ADD1: variants seen among roughly 807,000 people sequenced by gnomAD.
The protein encoded by ADD1 is adducin 1.
A neutral mutation model predicts 80.5 loss-of-function variants in ADD1; 24 were observed. That is an observed-to-expected ratio of 0.30 (90% CI 0.22 to 0.42). The LOEUF (loss-of-function observed/expected upper bound fraction) is 0.42, where lower values mean the gene tolerates loss of function less well. Ranked by LOEUF, ADD1 falls within the 10% of genes least tolerant of loss-of-function variation. ADD1 has a pLI of 1.00. For missense variants in ADD1, 948 were observed against 1,019.0 expected (o/e 0.93, Z 0.95); for synonymous variants, 373 against 393.8 (o/e 0.95, Z 0.63).
At chr4:2,846,041 A>G (rs562371281) in intron 1 of ADD1, among the ~76,000 whole-genome samples, 3 of 152,300 alleles carry the variant, frequency 2.0e-5, no homozygotes, top group South Asian at 2.1e-4. Context: ...TTCAATATGT[A>G]TATCTTAAAG....
At chr4:2,882,153 T>C in intron 3 of ADD1, 93 bp downstream of exon 3, 1 of 1,195,968 alleles carries the variant, frequency 8.4e-7, no homozygotes, top group East Asian at 2.6e-5. Context: ...CATTTAACTG[T>C]ATAACATAAC....
At chr4:2,873,480 G>A (rs1730771958) in intron 1 of ADD1, among the ~76,000 whole-genome samples, 1 of 152,178 alleles carries the variant, frequency 6.6e-6, no homozygotes, top group East Asian at 1.9e-4. Context: ...AAGGAATGGA[G>A]CATGTATATA....
intron 14 of ADD1, among the ~76,000 whole-genome samples, chr4:2,916,719 T>C (rs1319025964): frequency 6.6e-6 from 1 of 152,206 alleles, no homozygotes; most frequent in Non-Finnish European, 1.5e-5. Context: ...TGGTGTGTGA[T>C]GTCCCCTTCC....
chr4:2,924,513 G>A (rs1040072543), intron 14 of ADD1, among the ~76,000 whole-genome samples: 12 of 152,156 alleles, frequency 7.9e-5, no homozygotes, highest in African/African-American at 2.4e-4. Flanking sequence ...TCAGTCCTCC[G>A]GGGTCAGCCT....
At chr4:2,895,105 T>A (rs879336147) in intron 6 of ADD1, among the ~76,000 whole-genome samples, 28 of 151,780 alleles carry the variant, frequency 1.8e-4, no homozygotes, top group Admixed American at 3.9e-4. Flanking sequence ...ACAAAAAAAA[T>A]TAAAAAATTA....
chr4:2,904,760 C>T lies in ADD1; in HGVS notation c.1162-4C>T. ...GACTGTCTTTCACTCTCCTTGGACC[C>T]TAGGGCTACAGAACTGGCTACCCTT... On this transcript the variant is annotated splice_polypyrimidine_tract_variant and splice_region_variant and intron_variant, in intron 9 of 15. Transcript: ENST00000683351. 1 of 1,611,182 alleles carries T rather than the reference C, an allele frequency of 6.2e-7. No individual in the cohort carries two copies. The highest frequency in any genetic ancestry group is 8.5e-7 in the Non-Finnish European group (1 of 1,177,390).
chr4:2,897,899 G>A (rs566028810), intron 6 of ADD1, among the ~76,000 whole-genome samples: 1 of 152,234 alleles, frequency 6.6e-6, no homozygotes, highest in East Asian at 1.9e-4. Context: ...AGTGCTCATT[G>A]TATAATTAAA....
At chr4:2,909,755 A>G (rs1040010326) in intron 13 of ADD1, among the ~76,000 whole-genome samples, 8 of 151,986 alleles carry the variant, frequency 5.3e-5, no homozygotes, top group Non-Finnish European at 8.8e-5. Flanking sequence ...TGCCTTTTCC[A>G]TGACTCTGAC....
At chr4:2,911,767 T>C (rs1025249339) in intron 13 of ADD1, among the ~76,000 whole-genome samples, 1 of 152,152 alleles carries the variant, frequency 6.6e-6, no homozygotes, top group South Asian at 2.1e-4. Flanking sequence ...TAACCTGAAA[T>C]AATTTTGGCT....
At chr4:2,928,018 A>G (rs1270334429) in intron 15 of ADD1, among the ~76,000 whole-genome samples, 153 bp from the exon 16 acceptor site, 1 of 152,160 alleles carries the variant, frequency 6.6e-6, no homozygotes, top group Admixed American at 6.5e-5. Context: ...CCAGCCGTAC[A>G]GTAGAGTAGA....
intron 4 of ADD1, among the ~76,000 whole-genome samples, chr4:2,892,969 G>T (rs1453424592): frequency 6.6e-6 from 1 of 152,024 alleles, no homozygotes; most frequent in Non-Finnish European, 1.5e-5. Context: ...AGGCTAGAGT[G>T]CAGTGGCACG....
At chr4:2,902,272 C>G (rs554209906) in intron 9 of ADD1, 1 of 152,246 alleles carries the variant, frequency 6.6e-6, no homozygotes, top group African/African-American at 2.4e-5. Context: ...TTAATAAGAA[C>G]TGTGTTTTTC....
chr4:2,855,680 C>T (rs1415975291), intron 1 of ADD1, among the ~76,000 whole-genome samples: 1 of 151,400 alleles, frequency 6.6e-6, no homozygotes, highest in East Asian at 1.9e-4. Context: ...CTCTGACACT[C>T]AGACTGGAGT....
intron 14 of ADD1, among the ~76,000 whole-genome samples, chr4:2,918,804 G>A (rs1739508660): frequency 6.6e-6 from 1 of 151,232 alleles, no homozygotes; most frequent in Non-Finnish European, 1.5e-5. Flanking sequence ...CTATTTATAC[G>A]ATGGATTACG....
intron 1 of ADD1, among the ~76,000 whole-genome samples, chr4:2,852,170 C>CTTTCTT: frequency 1.4e-5 from 1 of 71,460 alleles, no homozygotes; most frequent in Non-Finnish European, 2.6e-5. Flanking sequence ...TTCTTTCTTT[C>CTTTCTT]TTTCTTTCTT....
intron 2 of ADD1, among the ~76,000 whole-genome samples, chr4:2,881,072 C>CT (rs752868581): frequency 0.75 from 66,926 of 89,506 alleles, 25,895 homozygotes; most frequent in Non-Finnish European, 0.77. Context: ...GATGTATTTA[C>CT]TTTTTTTTTT....
chr4:2,900,219 G>A (rs1000035324), intron 9 of ADD1: 4 of 152,742 alleles, frequency 2.6e-5, no homozygotes, highest in Non-Finnish European at 4.4e-5. Flanking sequence ...TGCAACGTAC[G>A]GTGCACCTTT....
At chr4:2,898,769 ACC>A in intron 8 of ADD1, 1 of 515,412 alleles carries the variant, frequency 1.9e-6, no homozygotes, top group Non-Finnish European at 3.5e-6. Context: ...GTCAGTCACT[ACC>A]ATTTATGGAG....
intron 9 of ADD1, chr4:2,902,951 G>C (rs1213956077): frequency 6.6e-6 from 1 of 151,986 alleles, no homozygotes; most frequent in East Asian, 1.9e-4. Flanking sequence ...GTGTGAACCT[G>C]GGAGGCGGAG....
Sources: gnomAD v4.1 joint callset for allele counts (sites outside exome capture counted in the v4.1 genomes callset) on GRCh38, gnomAD v4.1.1 for gene constraint, MANE v1.5 for transcripts, NCBI Gene and HGNC (gene_info 2026-07-23, HGNC 2026-07-21) for gene names.